The following MYZAP variants were observed in gnomAD, a reference collection of about 807,000 sequenced individuals.
The protein encoded by MYZAP is GRINL1A complex locus upstream.
Under a neutral mutation model 69.4 loss-of-function variants are expected in MYZAP, and 66 were observed. The observed-to-expected ratio is 0.95, with a 90% CI of 0.78 to 1.17. MYZAP has a LOEUF of 1.17. Ranked by LOEUF, MYZAP falls within the 50% of genes most tolerant of loss-of-function variation. The probability of loss-of-function intolerance (pLI) is 0.00; values close to 1 mark genes in which losing one functional copy is unlikely to be tolerated. For synonymous variants in MYZAP, 256 were observed against 205.9 expected (o/e 1.24, Z -2.09); for missense variants, 611 against 556.2 (o/e 1.10, Z -0.99).
chr15:57,593,212 A>ACACACACACACACACACTCACT (rs770540454), intron 1 of MYZAP, among the ~76,000 whole-genome samples: 62 of 124,992 alleles, frequency 5.0e-4, no homozygotes, highest in African/African-American at 2.1e-3. Flanking sequence ...ACACACACAC[A>ACACACACACACACACACTCACT]CACCCCAGAA....
intron 12 of MYZAP, among the ~76,000 whole-genome samples, chr15:57,679,340 T>TTGTGTGTG (rs34683334): frequency 5.6e-5 from 7 of 125,604 alleles, no homozygotes; most frequent in African/African-American, 1.4e-4. Context: ...TTTCACCTCT[T>TTGTGTGTG]TGTGTGTGTG....
intron 6 of MYZAP, among the ~76,000 whole-genome samples, chr15:57,630,579 A>C (rs2036444507): frequency 6.6e-6 from 1 of 152,154 alleles, no homozygotes; most frequent in Non-Finnish European, 1.5e-5. Context: ...GACTAGGGAC[A>C]CTGGGGAATG....
chr15:57,671,313 T>C (rs2038856167), intron 11 of MYZAP, among the ~76,000 whole-genome samples: 1 of 152,164 alleles, frequency 6.6e-6, no homozygotes, highest in Non-Finnish European at 1.5e-5. Flanking sequence ...AACAGGTTGC[T>C]TTCAAGATTT....
In MYZAP at chr15:57,684,635, A is replaced by G. The variant is rs190648086; in HGVS notation, c.*137A>G. 1.9e-4 allele frequency: 121 copies of G among 634,892 alleles called. 1 individual carries two copies. The highest frequency in any genetic ancestry group is 1.4e-3 in the Middle Eastern group (5 of 3,528). 39.3% of individuals were successfully genotyped at this position (634,892 alleles called of 1,614,324 possible). ...ATGGGAATCGCTGAGGCTCTGATCCACTTCTAAGACAGGAAGGAAAGTGAA... is the reference window on the plus strand; with the variant it reads ...ATGGGAATCGCTGAGGCTCTGATCCGCTTCTAAGACAGGAAGGAAAGTGAA... On this transcript the variant is annotated 3_prime_UTR_variant, in exon 13 of 13. Transcript: ENST00000267853.
intron 5 of MYZAP, among the ~76,000 whole-genome samples, chr15:57,627,854 G>C (rs1448843316): frequency 6.6e-6 from 1 of 152,156 alleles, no homozygotes; most frequent in African/African-American, 2.4e-5. Context: ...CAGTGGGGCT[G>C]GGGGAGTGGG....
intron 5 of MYZAP, among the ~76,000 whole-genome samples, chr15:57,628,652 G>C (rs185475205): frequency 1.3e-5 from 2 of 152,190 alleles, no homozygotes; most frequent in Non-Finnish European, 2.9e-5. Context: ...ACCAAATTCT[G>C]TTCCTTAGTA....
At chr15:57,594,488 G>C (rs115809169) in intron 1 of MYZAP, among the ~76,000 whole-genome samples, 1,856 of 152,300 alleles carry the variant, frequency 0.012, 43 homozygotes, top group African/African-American at 0.042. Flanking sequence ...TTGGGATACT[G>C]AAAGGAGGAA....
intron 2 of MYZAP, among the ~76,000 whole-genome samples, chr15:57,605,860 TCA>T (rs1451079350): frequency 6.6e-6 from 1 of 152,116 alleles, no homozygotes; most frequent in Non-Finnish European, 1.5e-5. Flanking sequence ...GAATGGGCTT[TCA>T]CTGGCCAAAA....
At chr15:57,665,161 C>A (rs897276436) in intron 11 of MYZAP, among the ~76,000 whole-genome samples, 1 of 152,186 alleles carries the variant, frequency 6.6e-6, no homozygotes, top group African/African-American at 2.4e-5. Context: ...AGAATTTCAC[C>A]TTTAGGTGAA....
intron 10 of MYZAP, among the ~76,000 whole-genome samples, chr15:57,659,930 G>T (rs1186676216): frequency 2.0e-5 from 3 of 151,970 alleles, no homozygotes; most frequent in Admixed American, 6.6e-5. Context: ...AATAATTAGG[G>T]TTCATTTTGT....
intron 10 of MYZAP, among the ~76,000 whole-genome samples, chr15:57,659,002 C>A (rs2038144416): frequency 6.6e-6 from 1 of 152,084 alleles, no homozygotes; most frequent in South Asian, 2.1e-4. Flanking sequence ...TTTATTTTTT[C>A]CTCCAAACTC....
intron 6 of MYZAP, among the ~76,000 whole-genome samples, 187 bp from the exon 7 acceptor site, chr15:57,632,247 A>G (rs2036548824): frequency 6.6e-6 from 1 of 151,950 alleles, no homozygotes; most frequent in South Asian, 2.1e-4. Context: ...TGCCACTTTT[A>G]TTTTTCTGTG....
chr15:57,622,239 A>G (rs1381928208), intron 4 of MYZAP, among the ~76,000 whole-genome samples: 2 of 152,102 alleles, frequency 1.3e-5, no homozygotes, highest in African/African-American at 4.8e-5. Context: ...AAAAATTCCC[A>G]AAATATCATC....
At chr15:57,612,917 TTTAA>T (rs1474554563) in intron 2 of MYZAP, among the ~76,000 whole-genome samples, 1 of 152,184 alleles carries the variant, frequency 6.6e-6, no homozygotes, top group Non-Finnish European at 1.5e-5. Context: ...TATTCTACAC[TTTAA>T]TTAAGCCTTT....
chr15:57,591,930 T>A lies in MYZAP; in HGVS notation c.-105T>A, dbSNP rs1369727238. On this transcript the variant is annotated 5_prime_UTR_variant, in exon 1 of 13. Transcript: ENST00000267853. ...TTCGCGGTGCAGCTGAGGCTGCAAG[T>A]AGCCGGCGCCGTCCCGCGTCGCCCC... The A allele has an allele frequency of 6.4e-6, 7 of 1,093,378 alleles. No homozygotes were observed. Among genetic ancestry groups the A allele is most frequent in the Non-Finnish European group, 8.0e-6 (7 of 869,850 alleles). 67.7% of individuals were successfully genotyped at this position (1,093,378 alleles called of 1,614,324 possible). A position where few individuals can be genotyped will look rare whatever the true frequency, so the allele number is the denominator to read the frequency against.
intron 1 of MYZAP, among the ~76,000 whole-genome samples, chr15:57,598,457 A>C (rs375030882): frequency 2.7e-4 from 41 of 152,306 alleles, no homozygotes; most frequent in African/African-American, 9.9e-4. Context: ...GCGAGCGCCC[A>C]TCATGTGTTG....
intron 1 of MYZAP, among the ~76,000 whole-genome samples, chr15:57,603,697 G>A (rs1186622220): frequency 1.3e-5 from 2 of 152,060 alleles, no homozygotes; most frequent in Non-Finnish European, 2.9e-5. Context: ...ATATTCCATT[G>A]TATGTATAAA....
At chr15:57,627,095 C>G (rs2036180519) in intron 5 of MYZAP, among the ~76,000 whole-genome samples, 3 of 152,180 alleles carry the variant, frequency 2.0e-5, no homozygotes, top group Admixed American at 2.0e-4. Flanking sequence ...CTTTATCTCA[C>G]CTGAGTTCAG....
chr15:57,679,701 A>G (rs148211787), intron 12 of MYZAP, among the ~76,000 whole-genome samples: 15 of 152,268 alleles, frequency 9.9e-5, no homozygotes, highest in African/African-American at 2.9e-4. Context: ...ATGGTAGTCC[A>G]CATGGCTCTA....
Sources: allele counts gnomAD v4.1 joint callset (sites outside exome capture counted in the v4.1 genomes callset), GRCh38; gene constraint gnomAD v4.1.1; transcripts MANE v1.5; gene names NCBI Gene and HGNC (gene_info 2026-07-23, HGNC 2026-07-21).